The following KCTD3 variants were observed in gnomAD, a reference collection of about 807,000 sequenced individuals.
KCTD3 encodes the protein BTB/POZ domain-containing protein KCTD3.
Under a neutral mutation model 85.8 loss-of-function variants are expected in KCTD3, and 41 were observed. That is an observed-to-expected ratio of 0.48 (90% CI 0.37 to 0.62). The LOEUF is 0.62. Among genes scored for constraint, KCTD3 ranks in the 20% least tolerant of loss-of-function variants. The pLI is 0.00. For synonymous variants in KCTD3, 338 were observed against 345.4 expected (o/e 0.98, Z 0.24); for missense variants, 724 against 989.9 (o/e 0.73, Z 3.60).
chr1:215,617,608 A>G (rs1399402499), intron 15 of KCTD3, among the ~76,000 whole-genome samples: 6 of 151,634 alleles, frequency 4.0e-5, no homozygotes, highest in African/African-American at 9.7e-5. Flanking sequence ...CATTAGAGAA[A>G]TTGTCATTTC....
intron 9 of KCTD3, 38 bp downstream of exon 9, chr1:215,586,723 T>C (rs368987741): frequency 1.2e-5 from 19 of 1,540,264 alleles, no homozygotes; most frequent in Non-Finnish European, 1.6e-5. Flanking sequence ...TTTGATGATA[T>C]TAATATTTTG....
rs1660336412 is a variant in KCTD3, at chr1:215,594,457, G to A, written c.818-899G>A. Reference sequence around the variant, plus strand: ...CTCACCTACACTTACTCTTCTGTTTGCTCTGATTCCCTGAGCTTGCCCATA... The same window carrying A: ...CTCACCTACACTTACTCTTCTGTTTACTCTGATTCCCTGAGCTTGCCCATA... On this transcript the variant is annotated intron_variant, in intron 9 of 17. Coordinates refer to ENST00000259154, the MANE Select transcript of KCTD3 (RefSeq NM_016121.5). Among the ~76,000 whole-genome samples, 7 of 152,132 alleles carry A rather than the reference G, an allele frequency of 4.6e-5. No individual in the cohort carries two copies. In the South Asian group the frequency reaches 1.5e-3, roughly 32 times the overall value.
At chr1:215,616,956 C>T (rs1271141572) in intron 15 of KCTD3, among the ~76,000 whole-genome samples, 2 of 152,178 alleles carry the variant, frequency 1.3e-5, no homozygotes, top group Non-Finnish European at 2.9e-5. Flanking sequence ...CACTTTCAGC[C>T]CCACCCAGCA....
At chr1:215,574,024 T>C (rs1304234722) in intron 2 of KCTD3, 49 bp from the exon 3 acceptor site, 1 of 1,374,200 alleles carries the variant, frequency 7.3e-7, no homozygotes, top group Middle Eastern at 1.8e-4. Flanking sequence ...AGCACATTTG[T>C]TTATACTCAG....
At position 215,572,152 on chromosome 1, in the gene KCTD3, C is replaced by G. The variant is rs76916537; in HGVS notation, c.84-1634C>G. Reference sequence around the variant, plus strand: ...CTCTGTTGTAACCATAAAATGCCTGCAGATCGTACAGAAGAATCAAGTCTC... The same window carrying G: ...CTCTGTTGTAACCATAAAATGCCTGGAGATCGTACAGAAGAATCAAGTCTC... On this transcript the variant is annotated intron_variant, in intron 1 of 17. Coordinates refer to ENST00000259154, the MANE Select transcript of KCTD3 (RefSeq NM_016121.5). Among the ~76,000 whole-genome samples the G allele has an allele frequency of 1.8e-3, 270 of 152,300 alleles. 1 individual carries two copies. The highest frequency in any genetic ancestry group is 6.2e-3 in the African/African-American group (258 of 41,560).
chr1:215,582,304 CAT>C (rs1659852849), intron 8 of KCTD3, among the ~76,000 whole-genome samples: 1 of 152,142 alleles, frequency 6.6e-6, no homozygotes, highest in Non-Finnish European at 1.5e-5. Flanking sequence ...TTCCTTAAGA[CAT>C]ATGTCTATTC....
intron 1 of KCTD3, among the ~76,000 whole-genome samples, chr1:215,568,099 A>G (rs1022324143): frequency 2.6e-5 from 4 of 152,162 alleles, no homozygotes; most frequent in African/African-American, 9.6e-5. Flanking sequence ...ATCTCAGATT[A>G]GAGTGTATTT....
At chr1:215,613,430 T>C (rs1462317683) in intron 15 of KCTD3, among the ~76,000 whole-genome samples, 1 of 152,212 alleles carries the variant, frequency 6.6e-6, no homozygotes, top group Non-Finnish European at 1.5e-5. Flanking sequence ...TTGCAGATAT[T>C]TTCTCCTATC....
At chr1:215,616,984 A>T (rs970995694) in intron 15 of KCTD3, among the ~76,000 whole-genome samples, 19 of 152,224 alleles carry the variant, frequency 1.2e-4, no homozygotes, top group African/African-American at 4.6e-4. Context: ...AGAAGGGGAG[A>T]GGAGCCGAAG....
chr1:215,599,767 A>C (rs1345386360), intron 10 of KCTD3, among the ~76,000 whole-genome samples: 1 of 152,146 alleles, frequency 6.6e-6, no homozygotes, highest in Non-Finnish European at 1.5e-5. Context: ...GCAGATCATG[A>C]TTAAAGGTTA....
chr1:215,591,458 A>G (rs982115319), intron 9 of KCTD3, among the ~76,000 whole-genome samples: 16 of 152,008 alleles, frequency 1.1e-4, no homozygotes, highest in Non-Finnish European at 2.1e-4. Flanking sequence ...CCCAGGTTCA[A>G]GGGATTCTCC....
intron 8 of KCTD3, among the ~76,000 whole-genome samples, chr1:215,580,750 T>C (rs1358155351): frequency 6.6e-6 from 1 of 152,308 alleles, no homozygotes; most frequent in East Asian, 1.9e-4. Flanking sequence ...TGTTTATCAC[T>C]GTTGAGTTCG....
chr1:215,609,315 TA>T (rs1655147675), intron 14 of KCTD3, among the ~76,000 whole-genome samples: 3 of 151,916 alleles, frequency 2.0e-5, no homozygotes, highest in Non-Finnish European at 4.4e-5. Context: ...AACAGCAAGT[TA>T]AAAGGGTAGA....
intron 14 of KCTD3, among the ~76,000 whole-genome samples, chr1:215,609,565 A>G (rs2102599115): frequency 6.6e-6 from 1 of 152,064 alleles, no homozygotes; most frequent in South Asian, 2.1e-4. Context: ...TTTCAAGAGC[A>G]TGCAAGAAGA....
rs1337044659 is a variant in KCTD3 at position 215,567,566 on chromosome 1, C to T, written c.-120C>T. 8.9e-6 allele frequency: 4 copies of T among 448,060 alleles called. No individual in the cohort carries two copies. The highest frequency in any genetic ancestry group is 1.4e-5 in the Non-Finnish European group (4 of 292,210). 27.8% of individuals were successfully genotyped at this position (448,060 alleles called of 1,614,324 possible). ...GGGGGAAGCCCCGTGCACCCCCCGC[C>T]CTCCGGCCGCCGCCGCCCCGCTGGC... is the stretch of plus-strand genomic sequence containing the variant. On this transcript the variant is annotated 5_prime_UTR_variant, in exon 1 of 18. Transcript: ENST00000259154.
intron 14 of KCTD3, among the ~76,000 whole-genome samples, chr1:215,610,998 T>C (rs1273644820): frequency 2.6e-5 from 4 of 151,928 alleles, no homozygotes; most frequent in Non-Finnish European, 5.9e-5. Context: ...TAAATCTTTT[T>C]ACAATACTTT....
chr1:215,568,574 A>C (rs1659244772), intron 1 of KCTD3, among the ~76,000 whole-genome samples: 1 of 138,996 alleles, frequency 7.2e-6, no homozygotes, highest in Non-Finnish European at 1.5e-5. Flanking sequence ...ATAACTTATG[A>C]GTCACTCCTC....
rs1033393148 is a variant in KCTD3, at chr1:215,620,773, C to T, written c.*155C>T. 7 of 546,682 alleles carry T rather than the reference C, an allele frequency of 1.3e-5. No individual in the cohort carries two copies. The highest frequency in any genetic ancestry group is 9.7e-5 in the African/African-American group (5 of 51,446). The allele number at this position is 546,682 out of a possible 1,614,324, so 33.9% of individuals were successfully genotyped here. A position where few individuals can be genotyped will look rare whatever the true frequency, so the allele number is the denominator to read the frequency against. Reference sequence around the variant, plus strand: ...CAGAATTACTTGGAATAATGAGATACAATAATCATATCTCTTTTGACATTT... The same window carrying T: ...CAGAATTACTTGGAATAATGAGATATAATAATCATATCTCTTTTGACATTT... On this transcript the variant is annotated 3_prime_UTR_variant, in exon 18 of 18. Transcript: ENST00000259154.
Position 215,567,776 on chromosome 1 carries a change from G to C in KCTD3, c.83+8G>C, listed in dbSNP as rs1659193224. On this transcript the variant is annotated splice_region_variant and intron_variant, in intron 1 of 17. Transcript: ENST00000259154. ...GAACGTAGGGGGGACCAGGTGAGTC[G>C]GCGGGTAGCGGGCTTGCAGCGGGGA... The C allele has an allele frequency of 1.6e-6, 2 of 1,242,268 alleles. No homozygotes were observed. The highest frequency in any genetic ancestry group is 8.2e-5 in the South Asian group (2 of 24,370). 77.0% of individuals were successfully genotyped at this position (1,242,268 alleles called of 1,614,324 possible).
Sources: allele counts gnomAD v4.1 joint callset (sites outside exome capture counted in the v4.1 genomes callset), GRCh38; gene constraint gnomAD v4.1.1; transcripts MANE v1.5; gene names NCBI Gene and HGNC (gene_info 2026-07-23, HGNC 2026-07-21).